The following JAK1 variants were observed in gnomAD, a reference collection of about 807,000 sequenced individuals.
JAK1 encodes tyrosine-protein kinase JAK1.
In JAK1, 16 loss-of-function variants were observed where a neutral mutation model predicts 136.6. The ratio of observed to expected loss-of-function variants is 0.12; its 90% confidence interval spans 0.08 to 0.18. The LOEUF (loss-of-function observed/expected upper bound fraction) is 0.18, where lower values mean the gene tolerates loss of function less well. Among genes scored for constraint, JAK1 ranks in the 10% least tolerant of loss-of-function variants. The pLI is 1.00. For synonymous variants in JAK1, 492 were observed against 519.5 expected (o/e 0.95, Z 0.72); for missense variants, 859 against 1,450.1 (o/e 0.59, Z 6.62).
At position 64,838,087 on chromosome 1, in the gene JAK1, A is replaced by G. The variant is rs993436199; in HGVS notation, c.2985T>C (p.Gly995=). Residue 995 remains glycine (G), a synonymous_variant, in exon 22 of 25, where the codon GGT becomes GGC. Coordinates refer to ENST00000342505, the MANE Select transcript of JAK1 (RefSeq NM_002227.4). ...AGTCCCGGTGAACGTATTGCCGAGA[A>G]CCCAAATAGTCCATCCCCTGAGAGA... is the stretch of plus-strand genomic sequence containing the variant. ...VQICKGMDYL[G]SRQYVHRDLA... The G allele has an allele frequency of 9.9e-6, 16 of 1,614,046 alleles. 1 individual carries two copies. The Admixed American group carries it at 1.7e-4, about 17-fold the overall frequency.
At position 64,844,769 on chromosome 1, in the gene JAK1, C is replaced by G. The variant is rs2100994134; in HGVS notation, c.2236G>C (p.Val746Leu). Reference protein sequence around the residue: ...KLSDPGIPITVLSRQECIERI... With the variant: ...KLSDPGIPITLLSRQECIERI... ...GGAGACACACCTTGCCTAGACAGCA[C>G]CGTAATGGGGATGCCGGGGTCACTG... The change falls in exon 16 of 25, where the codon GTG (valine) becomes CTG (leucine). Residue 746 changes from valine (V) to leucine (L), a missense_variant. By Grantham distance (32) the Val-to-Leu change is conservative. Transcript: ENST00000342505. The surrounding 1 kb of genome is among the most constrained non-coding windows in gnomAD (Gnocchi z 5.7). 6.2e-7 allele frequency: 1 copy of G among 1,614,194 alleles called. No individual in the cohort carries two copies. The highest frequency in any genetic ancestry group is 8.5e-7 in the Non-Finnish European group (1 of 1,180,050).
Position 64,931,780 on chromosome 1 carries a change from CA to C in JAK1, c.-78+34552del, listed in dbSNP as rs1467107813. Among the ~76,000 whole-genome samples the C allele has an allele frequency of 2.0e-5, 3 of 151,946 alleles. No homozygotes were observed. The East Asian group carries it at 5.8e-4, about 29-fold the overall frequency. On this transcript the variant is annotated intron_variant, in intron 1 of 24. Coordinates refer to ENST00000342505, the MANE Select transcript of JAK1 (RefSeq NM_002227.4). ...ACTCTGGTAAGGGAATAAAAAGAGC[CA>C]AAAAATAGGAACCCATGTGACTCTC...
At chr1:64,991,379 G>A (rs996847257) in intron 2 of JAK1, 1 of 152,232 alleles carries the variant, frequency 6.6e-6, no homozygotes, top group African/African-American at 2.4e-5. Flanking sequence ...CTTGTAGATT[G>A]CTGCTCTCTT....
chr1:65,052,008 T>A (rs769024165), intron 1 of JAK1, among the ~76,000 whole-genome samples: 2 of 151,924 alleles, frequency 1.3e-5, no homozygotes, highest in Admixed American at 6.6e-5. Context: ...CAGGCTGGAG[T>A]GCAGTGGCAC....
At chr1:64,871,347 G>A (rs1313653219) in intron 5 of JAK1, among the ~76,000 whole-genome samples, 4 of 152,126 alleles carry the variant, frequency 2.6e-5, no homozygotes, top group African/African-American at 9.7e-5. Context: ...AACGTGTACA[G>A]GACCACCTAC....
rs562641890 is a variant in JAK1, at chr1:64,940,676, G to GC, written c.-78+25656dup. Among the ~76,000 whole-genome samples, 8 of 152,178 alleles carry GC rather than the reference G, an allele frequency of 5.3e-5. No homozygotes were observed. The South Asian group carries it at 1.7e-3, about 32-fold the overall frequency. On this transcript the variant is annotated intron_variant, in intron 1 of 24. Coordinates refer to ENST00000342505, the MANE Select transcript of JAK1 (RefSeq NM_002227.4). Reference sequence around the variant, plus strand: ...GTTAAGACGGGTTTACTGTTCGTAGGCAAGAGTCAGTAGGTGGTGAAATTT... The same window carrying GC: ...GTTAAGACGGGTTTACTGTTCGTAGGCCAAGAGTCAGTAGGTGGTGAAATTT...
At chr1:65,005,739 C>T (rs1194394646) in intron 2 of JAK1, among the ~76,000 whole-genome samples, 1 of 152,062 alleles carries the variant, frequency 6.6e-6, no homozygotes, top group African/African-American at 2.4e-5. Context: ...CTCCAATTGA[C>T]CTATAGATTT....
At chr1:64,928,797 C>CAAAAACA (rs1645635191) in intron 1 of JAK1, among the ~76,000 whole-genome samples, 3 of 80,816 alleles carry the variant, frequency 3.7e-5, no homozygotes, top group East Asian at 7.0e-4. Flanking sequence ...AAAAAAAAAA[C>CAAAAACA]AAAAAAAAAA....
intron 6 of JAK1, among the ~76,000 whole-genome samples, chr1:64,867,818 C>T (rs1656798294): frequency 6.6e-6 from 1 of 152,098 alleles, no homozygotes; most frequent in African/African-American, 2.4e-5. Context: ...TGGAGAAACC[C>T]CATCTGTACT....
chr1:65,062,770 A>C (rs1647847973), intron 1 of JAK1, among the ~76,000 whole-genome samples: 1 of 152,222 alleles, frequency 6.6e-6, no homozygotes, highest in Admixed American at 6.5e-5. Flanking sequence ...AAACTGTTTT[A>C]CTCATGTCCC....
chr1:64,881,681 C>T (rs1644774936), intron 3 of JAK1, among the ~76,000 whole-genome samples: 1 of 152,076 alleles, frequency 6.6e-6, no homozygotes, highest in Admixed American at 6.5e-5. Flanking sequence ...AAACCGACAC[C>T]CCAAACTGGC....
At position 64,844,737 on chromosome 1, in the gene JAK1, A is replaced by G. The variant is rs1655119022; in HGVS notation, c.2251+17T>C. On this transcript the variant is annotated intron_variant, in intron 16 of 24. Coordinates refer to ENST00000342505, the MANE Select transcript of JAK1 (RefSeq NM_002227.4). The surrounding 1 kb of genome is among the most constrained non-coding windows in gnomAD (Gnocchi z 5.7). ...CTGACTCGGGGTGGGGCCAGAGGGA[A>G]GAGAGGGGAGACACACCTTGCCTAG... 6.2e-7 allele frequency: 1 copy of G among 1,613,816 alleles called. No individual in the cohort carries two copies. The highest frequency in any genetic ancestry group is 2.2e-5 in the East Asian group (1 of 44,884).
At chr1:64,916,438 A>C (rs1418322129) in intron 1 of JAK1, among the ~76,000 whole-genome samples, 1 of 152,218 alleles carries the variant, frequency 6.6e-6, no homozygotes, top group Admixed American at 6.6e-5. Flanking sequence ...TAACTGCACA[A>C]GCCTATATGA....
In JAK1 at chr1:64,855,717, G is replaced by A. The variant is rs759386549; in HGVS notation, c.1459-19C>T. The stretch of plus-strand genomic sequence containing the variant: ...GCACCTGCTATTCGGGAAATGACCA[G>A]AAATTACATGTTTAAAATGGGGTCA... On this transcript the variant is annotated intron_variant, in intron 10 of 24. Transcript: ENST00000342505. 2.5e-6 allele frequency: 4 copies of A among 1,603,732 alleles called. No individual in the cohort carries two copies. In the South Asian group the frequency reaches 4.4e-5, roughly 18 times the overall value.
At chr1:64,880,958 C>CAAATAAAT (rs34595652) in intron 3 of JAK1, among the ~76,000 whole-genome samples, 8 of 151,814 alleles carry the variant, frequency 5.3e-5, no homozygotes, top group African/African-American at 1.7e-4. Context: ...AACAAACAAA[C>CAAATAAAT]AAATAAATAA....
At chr1:64,840,882 A>T (rs1654852275) in intron 19 of JAK1, among the ~76,000 whole-genome samples, 1 of 152,070 alleles carries the variant, frequency 6.6e-6, no homozygotes, top group African/African-American at 2.4e-5. Context: ...TGCCCGGGAA[A>T]GTCAGAGGCA....
chr1:64,891,563 A>G (rs747090198), intron 1 of JAK1, among the ~76,000 whole-genome samples: 1 of 152,182 alleles, frequency 6.6e-6, no homozygotes, highest in Non-Finnish European at 1.5e-5. Context: ...TGTGAACAGG[A>G]AGCCTCCTAA....
Position 65,029,248 on chromosome 1 carries a change from C to T in JAK1, c.-78+15232G>A, listed in dbSNP as rs180831790. ...AGTAGCTGGGACTACGGACATGCAC[C>T]ACTGTGCCCAGCTAATTTTTTTTGT... On this transcript the variant is annotated intron_variant, in intron 2 of 25. Transcript: ENST00000671954. Among the ~76,000 whole-genome samples the T allele has an allele frequency of 1.7e-3, 257 of 152,218 alleles. 1 individual carries two copies. Among genetic ancestry groups the T allele is most frequent in the African/African-American group, 5.7e-3 (236 of 41,554 alleles).
At chr1:64,952,841 A>T (rs577470676) in intron 1 of JAK1, among the ~76,000 whole-genome samples, 122 of 152,360 alleles carry the variant, frequency 8.0e-4, no homozygotes, top group Non-Finnish European at 1.5e-3. Context: ...ACACACACAT[A>T]CATAAACACA....
Sources: gnomAD v4.1 joint callset for allele counts (sites outside exome capture counted in the v4.1 genomes callset) on GRCh38, gnomAD v4.1.1 for gene constraint, Gnocchi (gnomAD v3.1) non-coding constraint, MANE v1.5 for transcripts, NCBI Gene and HGNC (gene_info 2026-07-23, HGNC 2026-07-21) for gene names.